GABBR2: variants seen among roughly 807,000 people sequenced by gnomAD.
GABBR2 encodes the protein gamma-aminobutyric acid type B receptor subunit 2.
GABBR2 carries 23 observed loss-of-function variants against 105.6 expected under a neutral mutation model. The ratio of observed to expected loss-of-function variants is 0.22; its 90% CI spans 0.16 to 0.31. GABBR2 has a LOEUF of 0.31. Ranked by LOEUF, GABBR2 falls within the 10% of genes least tolerant of loss-of-function variation. The probability of loss-of-function intolerance (pLI) is 1.00; values close to 1 mark genes in which losing one functional copy is unlikely to be tolerated. For missense variants in GABBR2, 734 were observed against 1,245.5 expected, an observed-to-expected ratio of 0.59 and a Z score of 6.18; for synonymous variants, 478 against 499.7, an observed-to-expected ratio of 0.96 and a Z score of 0.58.
At chr9:98,291,955 T>C (rs919385632) in intron 18 of GABBR2, among the ~76,000 whole-genome samples, 1 of 152,254 alleles carries the variant, frequency 6.6e-6, no homozygotes, top group Non-Finnish European at 1.5e-5. Flanking sequence ...TAGCACGTGA[T>C]GGAGGAGCAG....
Position 98,443,589 on chromosome 9 carries a change from C to G in GABBR2, c.1236+10392G>C, listed in dbSNP as rs558736074. 3.9e-5 allele frequency among the ~76,000 whole-genome samples: 6 copies of G among 152,306 alleles called. No individual in the cohort carries two copies. In the East Asian group the frequency reaches 9.6e-4, roughly 24 times the overall value. On this transcript the variant is annotated intron_variant, in intron 7 of 18. Transcript: ENST00000259455. Reference sequence around the variant, plus strand: ...GAAGACCTAGAATGTAATTCTGAACCAGGTTCACCAGTTATGCACTGTGGG... The same window carrying G: ...GAAGACCTAGAATGTAATTCTGAACGAGGTTCACCAGTTATGCACTGTGGG...
intron 5 of GABBR2, among the ~76,000 whole-genome samples, chr9:98,473,643 AT>A (rs1180307034): frequency 6.6e-6 from 1 of 152,222 alleles, no homozygotes; most frequent in East Asian, 1.9e-4. Context: ...GGTTCTAACC[AT>A]ATTCATCATT....
intron 7 of GABBR2, among the ~76,000 whole-genome samples, chr9:98,435,146 G>A (rs975317702): frequency 4.1e-4 from 62 of 152,168 alleles, no homozygotes; most frequent in Non-Finnish European, 8.8e-5. Context: ...CTTTGCTTCT[G>A]CATGAGTGGA....
chr9:98,513,477 G>A (rs371880724), intron 3 of GABBR2, among the ~76,000 whole-genome samples: 77 of 151,868 alleles, frequency 5.1e-4, no homozygotes, highest in African/African-American at 1.8e-3. Flanking sequence ...GCAACCTACA[G>A]AATGGGAGAA....
At chr9:98,520,277 G>C (rs990128572) in intron 3 of GABBR2, among the ~76,000 whole-genome samples, 5 of 152,224 alleles carry the variant, frequency 3.3e-5, no homozygotes, top group Non-Finnish European at 5.9e-5. Flanking sequence ...TGATGCCACT[G>C]ATACTAAATC....
At chr9:98,522,097 A>G (rs1030039193) in intron 3 of GABBR2, among the ~76,000 whole-genome samples, 1 of 151,992 alleles carries the variant, frequency 6.6e-6, no homozygotes, top group African/African-American at 2.4e-5. Flanking sequence ...TAATGTTATG[A>G]GAATTTTAAG....
chr9:98,512,576 T>C (rs1375400723), intron 3 of GABBR2, among the ~76,000 whole-genome samples: 2 of 152,206 alleles, frequency 1.3e-5, no homozygotes, highest in African/African-American at 2.4e-5. Flanking sequence ...ACAAAATCAA[T>C]GTACAAAAAT....
chr9:98,435,978 C>T (rs981426008), intron 7 of GABBR2, among the ~76,000 whole-genome samples: 2 of 152,040 alleles, frequency 1.3e-5, no homozygotes, highest in South Asian at 4.2e-4. Context: ...GGATGATTAT[C>T]AGTTTTCATC....
At chr9:98,442,281 G>T (rs1443842944) in intron 7 of GABBR2, among the ~76,000 whole-genome samples, 2 of 152,210 alleles carry the variant, frequency 1.3e-5, no homozygotes, top group Non-Finnish European at 2.9e-5. Context: ...TTACTCAGCA[G>T]GTTAGGGAGA....
intron 1 of GABBR2, among the ~76,000 whole-genome samples, chr9:98,595,539 AAGG>A (rs1371017230): frequency 1.7e-5 from 1 of 59,490 alleles, no homozygotes; most frequent in Non-Finnish European, 3.3e-5. Context: ...CTTGATGCTT[AAGG>A]AGAAGTCAGC....
At chr9:98,604,055 G>GGTGAAAA (rs1363422580) in intron 1 of GABBR2, among the ~76,000 whole-genome samples, 1 of 152,228 alleles carries the variant, frequency 6.6e-6, no homozygotes, top group African/African-American at 2.4e-5. Flanking sequence ...GACCCGCCCG[G>GGTGAAAA]GCACAGGGTG....
At chr9:98,564,454 C>A (rs762288877) in intron 2 of GABBR2, among the ~76,000 whole-genome samples, 2 of 152,272 alleles carry the variant, frequency 1.3e-5, no homozygotes, top group South Asian at 2.1e-4. Flanking sequence ...TGTAGACTTG[C>A]GGTTGCAAGC....
At chr9:98,552,472 G>A (rs1828506789) in intron 2 of GABBR2, among the ~76,000 whole-genome samples, 1 of 152,178 alleles carries the variant, frequency 6.6e-6, no homozygotes, top group African/African-American at 2.4e-5. Context: ...TGTATACAAA[G>A]GCCCCAGGCT....
intron 7 of GABBR2, among the ~76,000 whole-genome samples, chr9:98,429,295 A>T (rs1825757931): frequency 6.6e-6 from 1 of 152,014 alleles, no homozygotes; most frequent in Admixed American, 6.6e-5. Flanking sequence ...ATGCACCACC[A>T]TGCCCAGCCA....
intron 3 of GABBR2, among the ~76,000 whole-genome samples, chr9:98,501,444 C>A (rs1270689376): frequency 6.6e-6 from 1 of 152,140 alleles, no homozygotes; most frequent in East Asian, 1.9e-4. Context: ...CAATTATAGG[C>A]GTGAGCCACT....
chr9:98,394,842 C>T (rs1009972920), intron 8 of GABBR2, among the ~76,000 whole-genome samples: 32 of 152,164 alleles, frequency 2.1e-4, no homozygotes, highest in African/African-American at 7.2e-4. Context: ...ATTTGGTCAG[C>T]AGCAAGTAGA....
intron 1 of GABBR2, among the ~76,000 whole-genome samples, chr9:98,634,481 C>T (rs973817433): frequency 1.3e-5 from 2 of 152,104 alleles, no homozygotes; most frequent in Admixed American, 1.3e-4. Context: ...GAATAAGACA[C>T]AGAGACACAA....
chr9:98,299,843 T>A (rs1830440403), intron 16 of GABBR2, among the ~76,000 whole-genome samples: 2 of 152,116 alleles, frequency 1.3e-5, no homozygotes, highest in African/African-American at 4.8e-5. Flanking sequence ...GTCTGAAACA[T>A]AATAAGGGCA....
At chr9:98,550,271 TG>T (rs2131747737) in intron 2 of GABBR2, among the ~76,000 whole-genome samples, 1 of 152,242 alleles carries the variant, frequency 6.6e-6, no homozygotes, top group South Asian at 2.1e-4. Context: ...CAAAGCAAAT[TG>T]GGGCGAAAGC....
Sources: gnomAD v4.1 joint callset for allele counts (sites outside exome capture counted in the v4.1 genomes callset) on GRCh38, gnomAD v4.1.1 for gene constraint, MANE v1.5 for transcripts, NCBI Gene and HGNC (gene_info 2026-07-23, HGNC 2026-07-21) for gene names.